STK3: variants seen among roughly 807,000 people sequenced by gnomAD.
STK3 encodes serine/threonine-protein kinase 3.
Under a neutral mutation model 58.0 loss-of-function variants are expected in STK3, and 41 were observed. The observed-to-expected ratio is 0.71, with a 90% confidence interval of 0.55 to 0.92. The LOEUF (loss-of-function observed/expected upper bound fraction) is 0.92. Among genes scored for constraint, STK3 ranks in the 40% least tolerant of loss-of-function variants. The pLI is 0.00. For missense variants in STK3, 479 were observed against 602.7 expected (o/e 0.79, Z 2.15); for synonymous variants, 170 against 191.0 (o/e 0.89, Z 0.91).
chr8:98,923,096 G>A (rs1472998650), intron 1 of STK3, among the ~76,000 whole-genome samples: 1 of 152,172 alleles, frequency 6.6e-6, no homozygotes, highest in Non-Finnish European at 1.5e-5. Context: ...AAATTAAAAA[G>A]AAATGTGGAG....
chr8:98,653,406 T>G (rs566369840), intron 6 of STK3, among the ~76,000 whole-genome samples: 1 of 151,898 alleles, frequency 6.6e-6, no homozygotes, highest in Admixed American at 6.6e-5. Context: ...GACACCCTAA[T>G]ATCACAATTA....
At chr8:98,346,242 G>A in the STK3 span, among the ~76,000 whole-genome samples, 6 of 149,248 alleles carry the variant, frequency 4.0e-5, no homozygotes, top group African/African-American at 7.5e-5. Context: ...CTGAGATCAC[G>A]CCATTGCACT....
chr8:98,761,451 T>G (rs564355614), intron 3 of STK3, among the ~76,000 whole-genome samples: 1 of 152,324 alleles, frequency 6.6e-6, no homozygotes, highest in East Asian at 1.9e-4. Flanking sequence ...AATAGTAACT[T>G]GAATTTCATT....
chr8:98,584,952 T>C (rs1214912349), intron 7 of STK3, among the ~76,000 whole-genome samples: 1 of 150,542 alleles, frequency 6.6e-6, no homozygotes, highest in Non-Finnish European at 1.5e-5. Flanking sequence ...GGTTGTTTTT[T>C]TCTTGTAAAT....
chr8:98,461,962 AC>A lies in STK3; in HGVS notation c.1318-5963del, dbSNP rs201852838. Among the ~76,000 whole-genome samples, 13 of 1,972 alleles carry A rather than the reference AC, an allele frequency of 6.6e-3. No individual in the cohort carries two copies. In the East Asian group the frequency reaches 0.16, roughly 25 times the overall value. The allele number at this position is 1,972 out of a possible 152,430, so 1.3% of individuals were successfully genotyped here. The stretch of plus-strand genomic sequence containing the variant: ...CTAGAAGTTCTTTTTTAATTAAAAC[AC>A]TTTTTTTTTTTGTGGGTGCATACCG... On this transcript the variant is annotated intron_variant, in intron 10 of 10. Coordinates refer to ENST00000419617, the MANE Select transcript of STK3 (RefSeq NM_006281.4).
chr8:98,569,546 C>G (rs1812784590), intron 8 of STK3, among the ~76,000 whole-genome samples: 1 of 151,086 alleles, frequency 6.6e-6, no homozygotes, highest in South Asian at 2.1e-4. Flanking sequence ...GCTCAGAGAT[C>G]CAGCAGAGAG....
chr8:98,369,926 G>C (rs1054456277), downstream of STK3, among the ~76,000 whole-genome samples: 4 of 151,986 alleles, frequency 2.6e-5, no homozygotes, highest in African/African-American at 7.3e-5. Flanking sequence ...GATGGGGTGA[G>C]GGTTCCTGCG....
At chr8:98,903,070 G>T (rs1484615001) in intron 1 of STK3, among the ~76,000 whole-genome samples, 2 of 152,096 alleles carry the variant, frequency 1.3e-5, no homozygotes, top group African/African-American at 4.8e-5. Flanking sequence ...ATCTCCTTCT[G>T]CATCTCCATC....
At chr8:98,436,343 G>A (rs968626458) in intron 2 of STK3, among the ~76,000 whole-genome samples, 5 of 151,256 alleles carry the variant, frequency 3.3e-5, no homozygotes, top group Admixed American at 3.3e-4. Context: ...TGTGTCTCCT[G>A]CCCGACGCCC....
At chr8:98,353,789 G>A in the STK3 span, among the ~76,000 whole-genome samples, 1 of 152,142 alleles carries the variant, frequency 6.6e-6, no homozygotes, top group Non-Finnish European at 1.5e-5. Context: ...AGTAGATATA[G>A]GTATAGGTAG....
At chr8:98,445,834 C>A (rs1446717116) in intron 1 of STK3, among the ~76,000 whole-genome samples, 1 of 152,160 alleles carries the variant, frequency 6.6e-6, no homozygotes, top group Non-Finnish European at 1.5e-5. Flanking sequence ...ATCACTATTT[C>A]TAGATATTTA....
At chr8:98,388,395 A>G (rs1462266067), upstream of STK3, 1 of 152,230 alleles carries the variant, frequency 6.6e-6, no homozygotes, top group Non-Finnish European at 1.5e-5. Context: ...GATCATGCTG[A>G]CAATACTTGA....
chr8:98,384,309 A>G (rs1817768352), intron 1 of STK3, among the ~76,000 whole-genome samples: 1 of 152,204 alleles, frequency 6.6e-6, no homozygotes, highest in African/African-American at 2.4e-5. Context: ...CCTAAAGACC[A>G]TTGCAATAGG....
chr8:98,532,253 T>C (rs1826218897), intron 9 of STK3, among the ~76,000 whole-genome samples: 1 of 152,196 alleles, frequency 6.6e-6, no homozygotes, highest in African/African-American at 2.4e-5. Flanking sequence ...TAGAGGCCAT[T>C]GCAGGGTTAT....
intron 3 of STK3, among the ~76,000 whole-genome samples, chr8:98,832,793 A>C (rs1230119089): frequency 6.6e-6 from 1 of 152,054 alleles, no homozygotes; most frequent in African/African-American, 2.4e-5. Flanking sequence ...TCCTCAAACT[A>C]TCTCCCTCCC....
chr8:98,879,167 C>T (rs1240328978), downstream of STK3: 3 of 152,162 alleles, frequency 2.0e-5, no homozygotes, highest in Non-Finnish European at 4.4e-5. Context: ...CCATGCACAT[C>T]CTCCTGTATA....
At chr8:98,630,534 T>C (rs1429461187) in intron 6 of STK3, among the ~76,000 whole-genome samples, 1 of 151,986 alleles carries the variant, frequency 6.6e-6, no homozygotes, top group Non-Finnish European at 1.5e-5. Context: ...TTGCAGCTAC[T>C]TGGGAGGCCA....
chr8:98,499,074 C>G (rs760958272), intron 10 of STK3, among the ~76,000 whole-genome samples: 130 of 152,034 alleles, frequency 8.6e-4, no homozygotes, highest in Non-Finnish European at 1.6e-3. Context: ...GGAATTCAAA[C>G]AGAAAAAGAC....
chr8:98,351,864 G>A, the STK3 span, among the ~76,000 whole-genome samples: 1 of 152,150 alleles, frequency 6.6e-6, no homozygotes, highest in Non-Finnish European at 1.5e-5. Flanking sequence ...AGCTATTAAA[G>A]ACTACTGGGG....
Sources: allele counts gnomAD v4.1 joint callset (sites outside exome capture counted in the v4.1 genomes callset), GRCh38; gene constraint gnomAD v4.1.1; transcripts MANE v1.5; gene names NCBI Gene and HGNC (gene_info 2026-07-23, HGNC 2026-07-21).